MRE11: variants seen among roughly 807,000 people sequenced by gnomAD.
MRE11 encodes double-strand break repair protein MRE11.
In MRE11, 62 loss-of-function variants were observed where a neutral mutation model predicts 91.7. That is an observed-to-expected ratio of 0.68 (90% CI 0.55 to 0.84). MRE11 has a LOEUF of 0.84. Among genes scored for constraint, MRE11 ranks in the 40% least tolerant of loss-of-function variants. The probability of loss-of-function intolerance (pLI) is 0.00; values close to 1 mark genes in which losing one functional copy is unlikely to be tolerated. For missense variants in MRE11, 796 were observed against 852.9 expected (o/e 0.93, Z 0.83); for synonymous variants, 273 against 271.4 (o/e 1.01, Z -0.06).
intron 19 of MRE11, among the ~76,000 whole-genome samples, chr11:94,424,367 G>A (rs1945253413): frequency 6.6e-6 from 1 of 152,108 alleles, no homozygotes; most frequent in South Asian, 2.1e-4. Context: ...GACTATACTC[G>A]ACTTACACTG....
intron 10 of MRE11, 69 bp from the exon 11 acceptor site, chr11:94,464,308 T>A (rs1008405534): frequency 6.3e-7 from 1 of 1,588,112 alleles, no homozygotes; most frequent in Non-Finnish European, 8.6e-7. Flanking sequence ...CACACACTAA[T>A]CCTTCAGTAT....
At chr11:94,463,151 A>G (rs1031189549) in intron 11 of MRE11, among the ~76,000 whole-genome samples, 1 of 152,226 alleles carries the variant, frequency 6.6e-6, no homozygotes, top group Admixed American at 6.5e-5. Context: ...AAAAGAAGAC[A>G]TTTATGCAGC....
Position 94,418,791 on chromosome 11 carries a change from G to A in MRE11, c.*1334C>T. 4.3e-6 allele frequency: 1 copy of A among 232,006 alleles called. No individual in the cohort carries two copies. Among genetic ancestry groups the A allele is most frequent in the Non-Finnish European group, 8.5e-6 (1 of 117,310 alleles). 14.4% of individuals were successfully genotyped at this position (232,006 alleles called of 1,614,324 possible). A position where few individuals can be genotyped will look rare whatever the true frequency, so the allele number is the denominator to read the frequency against. The stretch of plus-strand genomic sequence containing the variant: ...AACCCTTATGCTCAAGTTAGGTACA[G>A]AAAAAATATTTTTAAGAAAGTCAAT... On this transcript the variant is annotated 3_prime_UTR_variant, in exon 20 of 20. Coordinates refer to ENST00000323929, the MANE Select transcript of MRE11 (RefSeq NM_005591.4).
intron 18 of MRE11, among the ~76,000 whole-genome samples, chr11:94,434,402 C>CA (rs933388619): frequency 1.8e-4 from 28 of 151,828 alleles, no homozygotes; most frequent in African/African-American, 6.5e-4. Flanking sequence ...CAACCATACC[C>CA]AAAAAAATTT....
intron 6 of MRE11, 116 bp from the exon 7 acceptor site, chr11:94,476,519 T>C (rs1946862012): frequency 4.3e-6 from 3 of 698,878 alleles, no homozygotes; most frequent in East Asian, 5.4e-5. Context: ...TGTTGGGAGA[T>C]ATATTTGAAT....
At chr11:94,435,657 T>C (rs544321269) in intron 18 of MRE11, among the ~76,000 whole-genome samples, 175 bp downstream of exon 18, 16 of 152,258 alleles carry the variant, frequency 1.1e-4, no homozygotes, top group Non-Finnish European at 2.1e-4. Flanking sequence ...CTTGTACTAA[T>C]GCTGCATCAA....
At chr11:94,501,153 A>G in the MRE11 span, among the ~76,000 whole-genome samples, 1 of 152,218 alleles carries the variant, frequency 6.6e-6, no homozygotes, top group Admixed American at 6.5e-5. Context: ...TATTAAGTTC[A>G]GAAGAGAGTA....
chr11:94,493,878 T>A (rs1268887371), upstream of MRE11: 8 of 152,210 alleles, frequency 5.3e-5, no homozygotes, highest in African/African-American at 1.9e-4. Flanking sequence ...ATAACGTAGA[T>A]GCTTCAAGTC....
At chr11:94,463,656 T>C (rs1160633290) in intron 11 of MRE11, among the ~76,000 whole-genome samples, 3 of 152,044 alleles carry the variant, frequency 2.0e-5, no homozygotes, top group African/African-American at 7.3e-5. Context: ...GTGGAAACCA[T>C]CATTCTGAGC....
At chr11:94,461,465 A>G (rs1030910686) in intron 11 of MRE11, among the ~76,000 whole-genome samples, 1 of 152,216 alleles carries the variant, frequency 6.6e-6, no homozygotes, top group Non-Finnish European at 1.5e-5. Context: ...TTGATGGAAC[A>G]TATCTCAAAA....
rs750929369 is a variant in MRE11, at chr11:94,476,308, A to G, written c.640T>C (p.Phe214Leu). ...TTTTACCTGTTCTGATGAATCACAA[A>G]TAAGTTAAACCAAGAGTTCTCATCT... Reference protein sequence around the residue: ...KEDENSWFNLFVIHQNRSKHG... With the variant: ...KEDENSWFNLLVIHQNRSKHG... The change falls in exon 7 of 20, where the codon TTT (phenylalanine) becomes CTT (leucine). Residue 214 changes from phenylalanine (F) to leucine (L), a missense_variant. Phe to Leu is a conservative substitution (Grantham distance 22). Transcript: ENST00000323929. 3.2e-5 allele frequency: 51 copies of G among 1,612,348 alleles called. No individual in the cohort carries two copies. The highest frequency in any genetic ancestry group is 8.9e-5 in the East Asian group (4 of 44,830).
intron 7 of MRE11, chr11:94,473,086 C>G (rs1471574261): frequency 1.3e-5 from 2 of 152,048 alleles, no homozygotes; most frequent in Admixed American, 6.6e-5. Flanking sequence ...AGAGAAAGTC[C>G]TAAGCAGTAG....
At chr11:94,477,507 G>A (rs957848885) in intron 6 of MRE11, among the ~76,000 whole-genome samples, 4 of 152,106 alleles carry the variant, frequency 2.6e-5, no homozygotes, top group African/African-American at 7.2e-5. Flanking sequence ...CTTTATATAC[G>A]GATTAGAGAG....
At chr11:94,438,539 T>C (rs146084749) in intron 16 of MRE11, among the ~76,000 whole-genome samples, 8 of 152,344 alleles carry the variant, frequency 5.3e-5, no homozygotes, top group Admixed American at 5.2e-4. Flanking sequence ...ATCATGATGA[T>C]TTCAAAGAAT....
chr11:94,422,015 T>C (rs1415834393), intron 19 of MRE11, among the ~76,000 whole-genome samples: 1 of 152,146 alleles, frequency 6.6e-6, no homozygotes, highest in Non-Finnish European at 1.5e-5. Context: ...AACTGTACAC[T>C]TAATAATGGT....
chr11:94,496,712 A>C (rs1289095982), upstream of MRE11: 1 of 1,582,316 alleles, frequency 6.3e-7, no homozygotes, highest in East Asian at 2.2e-5. Context: ...AGAAAAAGGA[A>C]ATGATGATGG....
intron 6 of MRE11, among the ~76,000 whole-genome samples, chr11:94,477,305 G>T (rs887896792): frequency 6.6e-6 from 1 of 152,068 alleles, no homozygotes; most frequent in South Asian, 2.1e-4. Flanking sequence ...AATATATTGT[G>T]CTTTTTAAAT....
In MRE11 at chr11:94,420,172, C is replaced by T; in HGVS notation, c.2080G>A (p.Asp694Asn). The change falls in exon 20 of 20, where the codon GAT becomes AAT. Residue 694 changes from aspartate to asparagine, a missense_variant. Physicochemically the swap from Asp to Asn is conservative, Grantham distance 23. Transcript: ENST00000323929. ...GAACTAGTGTTCATAAAAGGATCAT[C>T]ATCATCATCCTGAAATGAGATACAA... The part of the protein sequence containing the change: ...VDFESSEDDD[D>N]DPFMNTSSLR... The T allele has an allele frequency of 2.5e-6, 4 of 1,583,426 alleles. No individual in the cohort carries two copies. The highest frequency in any genetic ancestry group is 3.5e-6 in the Non-Finnish European group (4 of 1,159,388).
rs137852761 is a variant in MRE11 at position 94,447,288 on chromosome 11, G to A, written c.1714C>T (p.Arg572Ter). Residue 572 changes from arginine to a stop codon, truncating the protein, a stop_gained, in exon 15 of 20, where the codon CGA becomes TGA. Coordinates refer to ENST00000323929, the MANE Select transcript of MRE11 (RefSeq NM_005591.4). LOFTEE classifies it high-confidence loss of function. ...CTTCCACCTCTTCGACCTCTTCCTC[G>A]GCCTCTTCCTTTGTTGGTTGCTGCT... ...ISAATNKGRG[R>*]GRGRRGGRGQ... 151 of 1,613,564 alleles carry A rather than the reference G, an allele frequency of 9.4e-5. No homozygotes were observed. Among genetic ancestry groups the A allele is most frequent in the Non-Finnish European group, 1.2e-4 (145 of 1,179,978 alleles).
Sources: gnomAD v4.1 joint callset for allele counts (sites outside exome capture counted in the v4.1 genomes callset) on GRCh38, gnomAD v4.1.1 for gene constraint, MANE v1.5 for transcripts, NCBI Gene and HGNC (gene_info 2026-07-23, HGNC 2026-07-21) for gene names.